The following TTN variants were observed in gnomAD, a reference collection of about 807,000 sequenced individuals.
TTN encodes titin, also known as connectin.
TTN carries 1,525 observed loss-of-function variants against 3,223.0 expected under a neutral mutation model. The ratio of observed to expected loss-of-function variants is 0.47; its 90% CI spans 0.45 to 0.49. TTN has a LOEUF of 0.49. Ranked by LOEUF, TTN falls within the 20% of genes least tolerant of loss-of-function variation. TTN has a pLI of 0.00. For synonymous variants in TTN, 14,094 were observed against 15,161.0 expected (o/e 0.93, Z 5.17); for missense variants, 40,786 against 43,424.0 (o/e 0.94, Z 5.40).
intron 141 of TTN, 62 bp from the exon 142 acceptor site, chr2:178,679,478 A>G: frequency 1.3e-6 from 2 of 1,594,202 alleles, no homozygotes; most frequent in Non-Finnish European, 1.7e-6. Flanking sequence ...CATATAAAAC[A>G]CAGCTAATGT....
At position 178,669,331 on chromosome 2, in the gene TTN, A is replaced by G. The variant is rs1370679647; in HGVS notation, c.35545+42T>C. 4.1e-6 allele frequency: 6 copies of G among 1,458,858 alleles called. No homozygotes were observed. The South Asian group carries it at 7.6e-5, about 19-fold the overall frequency. The allele number at this position is 1,458,858 out of a possible 1,614,324, so 90.4% of individuals were successfully genotyped here. ...AGACAAACATAGTGAATTTAAGGAC[A>G]TAAATGAAACGAAAAAGAACCACTA... On this transcript the variant is annotated intron_variant, in intron 159 of 362. Transcript: ENST00000589042.
At chr2:178,717,445 A>G in intron 87 of TTN, 63 bp from the exon 88 acceptor site, 1 of 1,562,974 alleles carries the variant, frequency 6.4e-7, no homozygotes, top group Non-Finnish European at 8.7e-7. Flanking sequence ...CAGAGCAGAA[A>G]CTAAATGGCA....
At chr2:178,674,017 A>C (rs1280227626) in intron 151 of TTN, among the ~76,000 whole-genome samples, 1 of 151,824 alleles carries the variant, frequency 6.6e-6, no homozygotes, top group African/African-American at 2.4e-5. Context: ...TATTAATATT[A>C]AAAACAAAAT....
At position 178,535,632 on chromosome 2, in the gene TTN, T is replaced by C. The variant is rs777332410; in HGVS notation, c.100983A>G (p.Arg33661=). ...AGACCACATAGAAACCAGCATCTTT[T>C]CTCTCTACCCCATTGGGGAAAACAA... The part of the protein sequence containing the change: ...TSLVFPNGVE[R]KDAGFYVVCA... The change falls in exon 358 of 363, where the codon AGA becomes AGG. Residue 33661 remains arginine (R), a synonymous_variant. Transcript: ENST00000589042. The C allele has an allele frequency of 6.2e-7, 1 of 1,613,846 alleles. No individual in the cohort carries two copies. Among genetic ancestry groups the C allele is most frequent in the South Asian group, 1.1e-5 (1 of 91,084 alleles).
Position 178,577,789 on chromosome 2 carries a change from C to T in TTN, c.68637G>A (p.Glu22879=), listed in dbSNP as rs2046768026. The change falls in exon 323 of 363, where the codon GAG becomes GAA. Residue 22879 remains glutamate (E), a synonymous_variant. Coordinates refer to ENST00000589042, the MANE Select transcript of TTN (RefSeq NM_001267550.2). Reference sequence around the variant, plus strand: ...AAGACTTCGAAGGTAGATCTCGCTTCTCCACTATATATCCAGTTAACTTAT... The same window carrying T: ...AAGACTTCGAAGGTAGATCTCGCTTTTCCACTATATATCCAGTTAACTTAT... The part of the protein sequence containing the change: ...GGHKLTGYIV[E]KRDLPSKSWM... The T allele has an allele frequency of 6.2e-7, 1 of 1,612,184 alleles. No homozygotes were observed.
chr2:178,716,498 T>C (rs1560621901), intron 88 of TTN, among the ~76,000 whole-genome samples: 1 of 152,104 alleles, frequency 6.6e-6, no homozygotes, highest in South Asian at 2.1e-4. Context: ...AGACTAGCAG[T>C]CCATTGAGTG....
rs372419267 is a variant in TTN, at chr2:178,611,064, G to A, written c.51065C>T (p.Ala17022Val). 112 of 1,612,802 alleles carry A rather than the reference G, an allele frequency of 6.9e-5. No homozygotes were observed. The African/African-American group carries it at 1.3e-3, about 19-fold the overall frequency. Reference sequence around the variant, plus strand: ...CTCCAGTGTAATGGTATAAATTCCGGCATCTGCACGGACACTCTTGGGAAC... The same window carrying A: ...CTCCAGTGTAATGGTATAAATTCCGACATCTGCACGGACACTCTTGGGAAC... ...LEVPKSVRAD[A>V]GIYTITLENK... Residue 17022 changes from alanine (A) to valine (V), a missense_variant, in exon 270 of 363, where the codon GCC (alanine) becomes GTC (valine). By Grantham distance (64) the Ala-to-Val change is moderately conservative. Transcript: ENST00000589042.
chr2:178,534,163 C>T lies in TTN; in HGVS notation c.102452G>A (p.Gly34151Glu). ...AATTTTGCATACATATTTGACATGT[C>T]CTCCTTCTTCACCAACTGCATGCAT... The part of the protein sequence containing the change: ...QIMHAVGEEG[G>E]HVKYVCKIEN... The change falls in exon 358 of 363, where the codon GGA becomes GAA. Residue 34151 changes from glycine to glutamate, a missense_variant. By Grantham distance (98) the Gly-to-Glu change is moderately conservative. Coordinates refer to ENST00000589042, the MANE Select transcript of TTN (RefSeq NM_001267550.2). 1 of 1,613,888 alleles carries T rather than the reference C, an allele frequency of 6.2e-7. No individual in the cohort carries two copies. The highest frequency in any genetic ancestry group is 8.5e-7 in the Non-Finnish European group (1 of 1,179,840).
Position 178,563,455 on chromosome 2 carries a change from A to T in TTN, c.82677T>A (p.Ser27559=). ...AAGVGEPSEP[S]VFYRACDALY... The stretch of plus-strand genomic sequence containing the variant: ...AGGCATCACACGCACGGTAGAAAAC[A>T]GATGGCTCACTAGGTTCTCCCACAC... Residue 27559 remains serine, a synonymous_variant, in exon 326 of 363, where the codon TCT becomes TCA. Coordinates refer to ENST00000589042, the MANE Select transcript of TTN (RefSeq NM_001267550.2). This position sits in a 1 kb window ranked among gnomAD's most constrained non-coding sequence, Gnocchi z 4.5. 1 of 1,613,716 alleles carries T rather than the reference A, an allele frequency of 6.2e-7. No individual in the cohort carries two copies. The highest frequency in any genetic ancestry group is 8.5e-7 in the Non-Finnish European group (1 of 1,179,756).
chr2:178,665,489 G>A (rs749602522), intron 164 of TTN, 29 bp from the exon 165 acceptor site: 5 of 1,604,204 alleles, frequency 3.1e-6, no homozygotes, highest in Non-Finnish European at 4.3e-6. Flanking sequence ...TATGGTTAGA[G>A]GTTAAAAGGA....
intron 9 of TTN, among the ~76,000 whole-genome samples, chr2:178,792,736 AT>A (rs1193740949): frequency 2.6e-5 from 4 of 152,140 alleles, no homozygotes; most frequent in Non-Finnish European, 5.9e-5. Context: ...AGTTTTCTCT[AT>A]TTGCCTCTTT....
Position 178,612,807 on chromosome 2 carries a change from T to A in TTN, c.49914A>T (p.Glu16638Asp), listed in dbSNP as rs2056589440. ...CCCGGCAAAGCACAGGGTCACTGGG[T>A]TCACTGGGTTCACTTTCCCCAGCCT... ...VNKAGESEPS[E>D]PSDPVLCREK... Residue 16638 changes from glutamate to aspartate, a missense_variant, in exon 265 of 363, where the codon GAA becomes GAT. Physicochemically the swap from Glu to Asp is conservative, Grantham distance 45 (BLOSUM62 2). Coordinates refer to ENST00000589042, the MANE Select transcript of TTN (RefSeq NM_001267550.2). 2 of 1,612,224 alleles carry A rather than the reference T, an allele frequency of 1.2e-6. No individual in the cohort carries two copies. Among genetic ancestry groups the A allele is most frequent in the Non-Finnish European group, 1.7e-6 (2 of 1,179,052 alleles).
Position 178,558,647 on chromosome 2 carries a change from C to CAAAG in TTN, c.86822-14_86822-11dup. 6 of 1,607,346 alleles carry CAAAG rather than the reference C, an allele frequency of 3.7e-6. No individual in the cohort carries two copies. The highest frequency in any genetic ancestry group is 5.1e-6 in the Non-Finnish European group (6 of 1,178,720). On this transcript the variant is annotated splice_polypyrimidine_tract_variant and intron_variant, in intron 326 of 362. Coordinates refer to ENST00000589042, the MANE Select transcript of TTN (RefSeq NM_001267550.2). The stretch of plus-strand genomic sequence containing the variant: ...GGTGGGCTTGGTTTTTCTAAGAAAA[C>CAAAG]AAAGCATCAAAAGAAAGTGAATAAT...
chr2:178,668,986 T>TAA (rs573451981), intron 159 of TTN, among the ~76,000 whole-genome samples: 2 of 144,786 alleles, frequency 1.4e-5, no homozygotes, highest in African/African-American at 2.5e-5. Context: ...TTATCAAGAG[T>TAA]AAAAAAAAAA....
In TTN at chr2:178,601,076, G is replaced by A. The variant is rs1053494929; in HGVS notation, c.55828C>T (p.Pro18610Ser). 1.9e-6 allele frequency: 3 copies of A among 1,609,950 alleles called. No homozygotes were observed. The African/African-American group carries it at 4.0e-5, about 22-fold the overall frequency. Residue 18610 changes from proline to serine, a missense_variant, in exon 288 of 363, where the codon CCT becomes TCT. Pro to Ser is a moderately conservative substitution (Grantham distance 74). Coordinates refer to ENST00000589042, the MANE Select transcript of TTN (RefSeq NM_001267550.2). ...WKPPKNDGGS[P>S]VTHYIVECLA... Reference sequence around the variant, plus strand: ...CACTCAACAATATAGTGGGTAACAGGGGAGCCCCCATCATTCTTCGGGGGT... The same window carrying A: ...CACTCAACAATATAGTGGGTAACAGAGGAGCCCCCATCATTCTTCGGGGGT...
At position 178,714,531 on chromosome 2, in the gene TTN, A is replaced by G. The variant is rs1362528703; in HGVS notation, c.26243T>C (p.Val8748Ala). 3.1e-6 allele frequency: 5 copies of G among 1,612,722 alleles called. No homozygotes were observed. The highest frequency in any genetic ancestry group is 3.4e-6 in the Non-Finnish European group (4 of 1,179,368). The change falls in exon 91 of 363, where the codon GTC becomes GCC. Residue 8748 changes from valine to alanine, a missense_variant. Transcript: ENST00000589042. ...FVKKLSDIST[V>A]VGKEVQLQTT... is the part of the protein sequence containing the mutation. The stretch of plus-strand genomic sequence containing the variant: ...CTGCAGCTGAACTTCTTTACCAACG[A>G]CAGTAGATATGTCACTGAGCTTCTT...
chr2:178,538,064 G>A (rs1336322569), intron 354 of TTN, 147 bp from the exon 355 acceptor site: 1 of 777,076 alleles, frequency 1.3e-6, no homozygotes, highest in African/African-American at 1.8e-5. Context: ...TCTTTGAAGT[G>A]ATTTTCCTAG....
At position 178,549,777 on chromosome 2, in the gene TTN, A is replaced by G. The variant is rs764207273; in HGVS notation, c.91945T>C (p.Cys30649Arg). 2 of 1,612,972 alleles carry G rather than the reference A, an allele frequency of 1.2e-6. No individual in the cohort carries two copies. The highest frequency in any genetic ancestry group is 1.7e-6 in the Non-Finnish European group (2 of 1,179,088). Residue 30649 changes from cysteine (C) to arginine (R), a missense_variant, in exon 338 of 363, where the codon TGT (cysteine) becomes CGT (arginine). Transcript: ENST00000589042. ...ATGATGTAGTGGGTTATGGGAGCAC[A>G]ACCGTCATTGAGTGGGGCATCCCAC... ...LWWDAPLNDG[C>R]APITHYIIEK...
In TTN at chr2:178,619,740, T is replaced by A; in HGVS notation, c.46577A>T (p.Gln15526Leu). ...ATGTATCTTTCCTTCACTCATCATC[T>A]GGTGTTTATCACCCTGGACAACAAC... The part of the protein sequence containing the change: ...NMVVVQGDKH[Q>L]MMSEGKIHRL... The change falls in exon 250 of 363, where the codon CAG becomes CTG. Residue 15526 changes from glutamine to leucine, a missense_variant. By Grantham distance (113) the Gln-to-Leu change is moderately radical (BLOSUM62 -2). Coordinates refer to ENST00000589042, the MANE Select transcript of TTN (RefSeq NM_001267550.2). 1 of 1,612,516 alleles carries A rather than the reference T, an allele frequency of 6.2e-7. No homozygotes were observed. The highest frequency in any genetic ancestry group is 8.5e-7 in the Non-Finnish European group (1 of 1,178,946).
Sources: gnomAD v4.1 joint callset for allele counts (sites outside exome capture counted in the v4.1 genomes callset) on GRCh38, gnomAD v4.1.1 for gene constraint, Gnocchi (gnomAD v3.1) non-coding constraint, MANE v1.5 for transcripts, NCBI Gene and HGNC (gene_info 2026-07-23, HGNC 2026-07-21) for gene names.